Variants in FAM184B observed in about 807,000 individuals in gnomAD.
FAM184B encodes the protein protein FAM184B.
FAM184B carries 111 observed loss-of-function variants against 135.9 expected under a neutral mutation model. The ratio of observed to expected loss-of-function variants is 0.82; its 90% CI spans 0.70 to 0.96. The LOEUF is 0.96. Ranked by LOEUF, FAM184B falls within the 40% of genes least tolerant of loss-of-function variation. The probability of loss-of-function intolerance (pLI) is 0.00; values close to 1 mark genes in which losing one functional copy is unlikely to be tolerated. For synonymous variants in FAM184B, 552 were observed against 524.8 expected, an observed-to-expected ratio of 1.05 and a Z score of -0.71; for missense variants, 1,375 against 1,323.9, an observed-to-expected ratio of 1.04 and a Z score of -0.60.
intron 1 of FAM184B, among the ~76,000 whole-genome samples, chr4:17,729,320 G>A (rs895903167): frequency 1.3e-5 from 2 of 152,242 alleles, no homozygotes; most frequent in African/African-American, 4.8e-5. Flanking sequence ...CACCTCTGGG[G>A]GCGGGGCACA....
intron 1 of FAM184B, among the ~76,000 whole-genome samples, chr4:17,764,599 C>T (rs1718617394): frequency 6.6e-6 from 1 of 152,148 alleles, no homozygotes; most frequent in Non-Finnish European, 1.5e-5. Flanking sequence ...AAGTTCTTGT[C>T]CTCAAAAGTT....
chr4:17,743,728 T>C (rs943330797), intron 1 of FAM184B, among the ~76,000 whole-genome samples: 2 of 152,244 alleles, frequency 1.3e-5, no homozygotes, highest in African/African-American at 2.4e-5. Context: ...CGTAGGGCAG[T>C]AGAAGAGGAC....
At chr4:17,743,428 T>G (rs1190256418) in intron 1 of FAM184B, among the ~76,000 whole-genome samples, 1 of 152,174 alleles carries the variant, frequency 6.6e-6, no homozygotes, top group Non-Finnish European at 1.5e-5. Context: ...GGCTGCTGCG[T>G]TGAGAGCAGG....
chr4:17,743,776 G>A (rs1039039636), intron 1 of FAM184B, among the ~76,000 whole-genome samples: 1 of 152,170 alleles, frequency 6.6e-6, no homozygotes, highest in Non-Finnish European at 1.5e-5. Flanking sequence ...ACTTCTTCAG[G>A]TCTTACCCAA....
At position 17,702,077 on chromosome 4, in the gene FAM184B, A is replaced by T. The variant is rs561649501; in HGVS notation, c.1377+2923T>A. Among the ~76,000 whole-genome samples the T allele has an allele frequency of 1.8e-3, 275 of 152,330 alleles. 6 individuals carry two copies. Among genetic ancestry groups the T allele is most frequent in the Middle Eastern group, 0.014 (4 of 294 alleles). ...TGTTGGCTGTGTAAGCTGCAGGTCC[A>T]GGTTCAGAGGTGGCAGCATAGGTGT... On this transcript the variant is annotated intron_variant, in intron 5 of 17. Coordinates refer to ENST00000265018, the MANE Select transcript of FAM184B (RefSeq NM_015688.2).
At chr4:17,735,946 C>T (rs1415783510) in intron 1 of FAM184B, among the ~76,000 whole-genome samples, 1 of 152,116 alleles carries the variant, frequency 6.6e-6, no homozygotes, top group African/African-American at 2.4e-5. Context: ...GTTTCCTAAA[C>T]CTGGGAAGCT....
intron 1 of FAM184B, among the ~76,000 whole-genome samples, chr4:17,739,427 G>A (rs1717975612): frequency 6.6e-6 from 1 of 152,016 alleles, no homozygotes; most frequent in African/African-American, 2.4e-5. Context: ...TTCATTATTC[G>A]AGGTTCCTGG....
chr4:17,659,832 T>A lies in FAM184B; in HGVS notation c.1824+126A>T, dbSNP rs1038065865. ...AATAAATAAAACCAAGAATCCCACT[T>A]TGCCCTGGTCCTGTAATGCCTTCCC... On this transcript the variant is annotated intron_variant, in intron 9 of 17. Transcript: ENST00000265018. 1.7e-5 allele frequency: 21 copies of A among 1,263,968 alleles called. No homozygotes were observed. In the African/African-American group the frequency reaches 3.0e-4, roughly 18 times the overall value. The allele number at this position is 1,263,968 out of a possible 1,614,324, so 78.3% of individuals were successfully genotyped here. A position where few individuals can be genotyped will look rare whatever the true frequency, so the allele number is the denominator to read the frequency against.
Position 17,708,367 on chromosome 4 carries a change from G to C in FAM184B, c.894+525C>G, listed in dbSNP as rs117567910. 2.5e-3 allele frequency among the ~76,000 whole-genome samples: 384 copies of C among 151,962 alleles called. 7 individuals carry two copies. The East Asian group carries it at 0.048, about 19-fold the overall frequency. ...AGTGTTCAATAAATATCTGTGGGTG[G>C]GGCGCAGTGGCTCGAGTCTGTAATC... On this transcript the variant is annotated intron_variant, in intron 2 of 17. Coordinates refer to ENST00000265018, the MANE Select transcript of FAM184B (RefSeq NM_015688.2).
In FAM184B at chr4:17,733,203, A is replaced by G. The variant is rs903868696; in HGVS notation, c.142-23559T>C. 3.3e-5 allele frequency among the ~76,000 whole-genome samples: 5 copies of G among 152,184 alleles called. No individual in the cohort carries two copies. In the South Asian group the frequency reaches 1.0e-3, roughly 32 times the overall value. On this transcript the variant is annotated intron_variant, in intron 1 of 17. Transcript: ENST00000265018. The stretch of plus-strand genomic sequence containing the variant: ...GACGTATCTCAAAATAATAAGAGCT[A>G]TCTATGACAAACCCACAGCCAATAT...
intron 6 of FAM184B, among the ~76,000 whole-genome samples, chr4:17,692,604 C>A (rs903734545): frequency 6.6e-6 from 1 of 152,146 alleles, no homozygotes; most frequent in South Asian, 2.1e-4. Context: ...TTGCGCATGG[C>A]CTTTGTGTTC....
intron 1 of FAM184B, among the ~76,000 whole-genome samples, chr4:17,775,559 T>C (rs1183671597): frequency 1.3e-5 from 2 of 152,232 alleles, no homozygotes; most frequent in African/African-American, 4.8e-5. Context: ...AACACTTTTA[T>C]CTTCTTTACC....
At chr4:17,770,984 C>A (rs1401549127) in intron 1 of FAM184B, among the ~76,000 whole-genome samples, 1 of 152,202 alleles carries the variant, frequency 6.6e-6, no homozygotes, top group East Asian at 1.9e-4. Flanking sequence ...AGTCACACTC[C>A]TCTTTGTCTA....
chr4:17,756,462 C>T lies in FAM184B; in HGVS notation c.141+24697G>A, dbSNP rs142973547. 6.6e-5 allele frequency among the ~76,000 whole-genome samples: 10 copies of T among 152,280 alleles called. No homozygotes were observed. In the East Asian group the frequency reaches 1.9e-3, roughly 29 times the overall value. On this transcript the variant is annotated intron_variant, in intron 1 of 17. Transcript: ENST00000265018. The stretch of plus-strand genomic sequence containing the variant: ...GATATCCTCCTCTAATAAAAAACCT[C>T]ATTGGTCATCTTTGGAGGATGTAAG...
At chr4:17,744,336 G>A (rs1176579332) in intron 1 of FAM184B, among the ~76,000 whole-genome samples, 3 of 152,062 alleles carry the variant, frequency 2.0e-5, no homozygotes, top group African/African-American at 4.8e-5. Context: ...ACTACACCAA[G>A]AAAAAGGGAG....
intron 7 of FAM184B, among the ~76,000 whole-genome samples, chr4:17,667,203 T>G (rs1716075336): frequency 1.3e-5 from 2 of 152,034 alleles, no homozygotes; most frequent in African/African-American, 4.8e-5. Context: ...CAAGTGATCC[T>G]CCTGCCTCAG....
At chr4:17,690,547 C>T (rs1716709749) in intron 6 of FAM184B, among the ~76,000 whole-genome samples, 1 of 152,142 alleles carries the variant, frequency 6.6e-6, no homozygotes, top group South Asian at 2.1e-4. Context: ...AGATCCATGG[C>T]AACGCTCTTG....
At chr4:17,771,956 A>C (rs1718828217) in intron 1 of FAM184B, among the ~76,000 whole-genome samples, 1 of 152,252 alleles carries the variant, frequency 6.6e-6, no homozygotes, top group Admixed American at 6.5e-5. Flanking sequence ...TTTTCCCCCA[A>C]CTAAAGATGA....
chr4:17,762,770 G>C (rs1273147992), intron 1 of FAM184B, among the ~76,000 whole-genome samples: 1 of 152,136 alleles, frequency 6.6e-6, no homozygotes, highest in Non-Finnish European at 1.5e-5. Flanking sequence ...TTTTTTGAAT[G>C]TCTCACAAGC....
Sources: gnomAD v4.1 joint callset for allele counts (sites outside exome capture counted in the v4.1 genomes callset) on GRCh38, gnomAD v4.1.1 for gene constraint, MANE v1.5 for transcripts, NCBI Gene and HGNC (gene_info 2026-07-23, HGNC 2026-07-21) for gene names.